SEL1L3: variants seen among roughly 807,000 people sequenced by gnomAD.
SEL1L3 encodes the protein protein sel-1 homolog 3.
A neutral mutation model predicts 142.8 loss-of-function variants in SEL1L3; 76 were observed. The ratio of observed to expected loss-of-function variants is 0.53; its 90% CI spans 0.44 to 0.64. SEL1L3 has a LOEUF of 0.64. Among genes scored for constraint, SEL1L3 ranks in the 30% least tolerant of loss-of-function variants. The pLI, the probability that SEL1L3 is intolerant of heterozygous loss-of-function variation, is 0.00. For synonymous variants in SEL1L3, 504 were observed against 519.6 expected, an observed-to-expected ratio of 0.97 and a Z score of 0.41; for missense variants, 1,262 against 1,381.7, an observed-to-expected ratio of 0.91 and a Z score of 1.37.
intron 9 of SEL1L3, among the ~76,000 whole-genome samples, chr4:25,812,276 A>G (rs1714083665): frequency 6.6e-6 from 1 of 151,906 alleles, no homozygotes; most frequent in Non-Finnish European, 1.5e-5. Context: ...CCACTCAGAT[A>G]CCTCTCCTCA....
intron 17 of SEL1L3, among the ~76,000 whole-genome samples, chr4:25,774,448 C>G (rs1350413285): frequency 6.6e-6 from 1 of 152,198 alleles, no homozygotes; most frequent in Non-Finnish European, 1.5e-5. Context: ...ACCAACCACC[C>G]AAACAGAAAA....
chr4:25,744,681 G>C (rs113953600), downstream of SEL1L3, among the ~76,000 whole-genome samples: 1 of 152,128 alleles, frequency 6.6e-6, no homozygotes, highest in Non-Finnish European at 1.5e-5. Flanking sequence ...ATTAATTAGA[G>C]GCCAGGGGTA....
the SEL1L3 span, among the ~76,000 whole-genome samples, chr4:25,714,861 C>A: frequency 0.034 from 5,132 of 151,964 alleles, 295 homozygotes; most frequent in African/African-American, 0.12. Flanking sequence ...TGTGAGCCAC[C>A]GCGCCCTGCC....
In SEL1L3 at chr4:25,851,887, C is replaced by CAA. The variant is rs35600659; in HGVS notation, c.163-4025_163-4024dup. ...CTGGCGACAGAGTGAGACTCTGTCT[C>CAA]AAAAAAAAAAAAAAAAAAAAGGTCA... On this transcript the variant is annotated intron_variant, in intron 1 of 23. Transcript: ENST00000399878. Among the ~76,000 whole-genome samples, 338 of 59,414 alleles carry CAA rather than the reference C, an allele frequency of 5.7e-3. 8 individuals carry two copies. Among genetic ancestry groups the CAA allele is most frequent in the African/African-American group, 0.016 (290 of 18,490 alleles). 39.0% of individuals were successfully genotyped at this position (59,414 alleles called of 152,430 possible).
At chr4:25,844,685 A>T in intron 2 of SEL1L3, among the ~76,000 whole-genome samples, 1 of 152,250 alleles carries the variant, frequency 6.6e-6, no homozygotes, top group East Asian at 1.9e-4. Flanking sequence ...TTTGTCAAAT[A>T]TGAAATGGAA....
the SEL1L3 span, among the ~76,000 whole-genome samples, chr4:25,741,158 G>A: frequency 6.6e-6 from 1 of 150,408 alleles, no homozygotes; most frequent in African/African-American, 2.5e-5. Flanking sequence ...AGACTGGAGT[G>A]CAGTGGTGCG....
chr4:25,724,630 G>A, the SEL1L3 span, among the ~76,000 whole-genome samples: 3,219 of 149,862 alleles, frequency 0.021, 115 homozygotes, highest in African/African-American at 0.075. Flanking sequence ...TCAGCCACTC[G>A]GGAGGCTGAG....
the SEL1L3 span, among the ~76,000 whole-genome samples, chr4:25,738,461 A>C: frequency 6.6e-6 from 1 of 152,150 alleles, no homozygotes; most frequent in East Asian, 1.9e-4. Context: ...GCACCCTTCA[A>C]AAATTGCTTT....
chr4:25,818,420 G>T (rs940868654), intron 8 of SEL1L3, 142 bp from the exon 9 acceptor site: 1 of 755,006 alleles, frequency 1.3e-6, no homozygotes, highest in African/African-American at 1.8e-5. Context: ...ATTTGAAATT[G>T]GCTATGATGC....
chr4:25,740,042 C>T, the SEL1L3 span, among the ~76,000 whole-genome samples: 14 of 151,838 alleles, frequency 9.2e-5, no homozygotes, highest in South Asian at 2.5e-3. Context: ...AAGTGATCCT[C>T]CCCGCTCAGC....
chr4:25,799,711 A>T (rs558345905), intron 11 of SEL1L3, among the ~76,000 whole-genome samples: 1 of 152,300 alleles, frequency 6.6e-6, no homozygotes, highest in South Asian at 2.1e-4. Flanking sequence ...TCTAGCATGA[A>T]CAATCGTGCC....
the SEL1L3 span, among the ~76,000 whole-genome samples, chr4:25,737,070 C>T: frequency 5.3e-5 from 8 of 151,588 alleles, no homozygotes; most frequent in South Asian, 2.1e-4. Context: ...CTGCAACCTC[C>T]GCCTCCTGGG....
intron 11 of SEL1L3, 129 bp from the exon 12 acceptor site, chr4:25,790,703 GGAAGAAAAGAAGGAGA>G (rs1712264146): frequency 2.9e-5 from 4 of 135,946 alleles, no homozygotes; most frequent in African/African-American, 3.8e-5. Flanking sequence ...AGGGAGGGAA[GGAAGAAAAGAAGGAGA>G]GAGGGAGGGA....
chr4:25,835,069 C>T, intron 3 of SEL1L3, 128 bp downstream of exon 3: 1 of 1,108,308 alleles, frequency 9.0e-7, no homozygotes. Flanking sequence ...CCATGGAAAT[C>T]TCAACATTTT....
chr4:25,845,523 CA>C (rs1426667481), intron 2 of SEL1L3, among the ~76,000 whole-genome samples: 2 of 152,108 alleles, frequency 1.3e-5, no homozygotes, highest in African/African-American at 2.4e-5. Flanking sequence ...TGAAAAATAT[CA>C]AATGTGCCAG....
At chr4:25,771,108 T>G (rs983633536) in intron 17 of SEL1L3, among the ~76,000 whole-genome samples, 7 of 152,274 alleles carry the variant, frequency 4.6e-5, no homozygotes, top group Admixed American at 1.3e-4. Flanking sequence ...AGACGCTATC[T>G]GAAAGTATTA....
chr4:25,802,318 T>C lies in SEL1L3; in HGVS notation c.1921A>G (p.Thr641Ala), dbSNP rs1713237592. The C allele has an allele frequency of 1.2e-6, 2 of 1,613,676 alleles. No individual in the cohort carries two copies. Among genetic ancestry groups the C allele is most frequent in the Non-Finnish European group, 1.7e-6 (2 of 1,179,844 alleles). ...TGCAGTGTGTGCTGGTCAAGGGGTG[T>C]CTTGGTGGCAATGTTGCTGTAGTAG... The part of the protein sequence containing the change: ...YAYYSNIATK[T>A]PLDQHTLQGD... Residue 641 changes from threonine (T) to alanine (A), a missense_variant, in exon 11 of 24, where the codon ACA becomes GCA. Physicochemically the swap from Thr to Ala is moderately conservative, Grantham distance 58. Around this residue, in one of 3 missense-constraint regions of SEL1L3, gnomAD observed 435 missense variants for 559.2 expected, o/e 0.78. Coordinates refer to ENST00000399878, the MANE Select transcript of SEL1L3 (RefSeq NM_015187.5).
chr4:25,760,687 C>T (rs1718316128), intron 20 of SEL1L3, among the ~76,000 whole-genome samples: 1 of 152,180 alleles, frequency 6.6e-6, no homozygotes, highest in Non-Finnish European at 1.5e-5. Flanking sequence ...GACCTTGCCT[C>T]TGACCGCAAT....
intron 11 of SEL1L3, among the ~76,000 whole-genome samples, chr4:25,801,575 T>C (rs1713185492): frequency 6.6e-6 from 1 of 152,216 alleles, no homozygotes; most frequent in African/African-American, 2.4e-5. Context: ...GTTGGTGTAA[T>C]GTAATACATT....
Sources: gnomAD v4.1 joint callset for allele counts (sites outside exome capture counted in the v4.1 genomes callset) on GRCh38, gnomAD v4.1.1 for gene constraint, gnomAD v4.1.1 regional missense constraint, MANE v1.5 for transcripts, NCBI Gene and HGNC (gene_info 2026-07-23, HGNC 2026-07-21) for gene names.